Variants in CNTNAP5 observed in about 807,000 individuals in gnomAD.
CNTNAP5 encodes contactin-associated protein-like 5.
A neutral mutation model predicts 150.2 loss-of-function variants in CNTNAP5; 72 were observed. That is an observed-to-expected ratio of 0.48 (90% CI 0.40 to 0.58). The LOEUF (loss-of-function observed/expected upper bound fraction) is 0.58, where lower values mean the gene tolerates loss of function less well. CNTNAP5 is among the 20% of genes least tolerant of loss of function. The probability of loss-of-function intolerance (pLI) is 0.00; values close to 1 mark genes in which losing one functional copy is unlikely to be tolerated. For synonymous variants in CNTNAP5, 672 were observed against 619.8 expected (o/e 1.08, Z -1.25); for missense variants, 1,636 against 1,626.2 (o/e 1.01, Z -0.10).
At chr2:124,161,716 G>A (rs1281405637) in intron 1 of CNTNAP5, among the ~76,000 whole-genome samples, 1 of 152,042 alleles carries the variant, frequency 6.6e-6, no homozygotes, top group African/African-American at 2.4e-5. Flanking sequence ...TCAAAAAAAA[G>A]AAAAGGACAA....
intron 4 of CNTNAP5, among the ~76,000 whole-genome samples, chr2:124,433,794 T>C (rs1244020141): frequency 6.6e-6 from 1 of 152,208 alleles, no homozygotes; most frequent in Non-Finnish European, 1.5e-5. Context: ...TGTTTACACA[T>C]ACCTGTTACA....
At chr2:124,423,570 T>A (rs1573985516) in intron 4 of CNTNAP5, among the ~76,000 whole-genome samples, 1 of 149,726 alleles carries the variant, frequency 6.7e-6, no homozygotes, top group South Asian at 2.1e-4. Context: ...GTGGTCTCGA[T>A]CTCCTGACCT....
rs1384104288 is a variant in CNTNAP5 at position 124,192,521 on chromosome 2, C to T, written c.83-29184C>T. On this transcript the variant is annotated intron_variant, in intron 1 of 23. Transcript: ENST00000682447. ...TGCGTCTGATGGTGCCAGTGGCTTC[C>T]TGCTGATATCCACAACTGACATTCA... 2.0e-5 allele frequency among the ~76,000 whole-genome samples: 3 copies of T among 152,160 alleles called. No homozygotes were observed. The East Asian group carries it at 5.8e-4, about 29-fold the overall frequency.
rs527870860 is a variant in CNTNAP5 at position 124,721,515 on chromosome 2, A to C, written c.2078-25714A>C. Among the ~76,000 whole-genome samples the C allele has an allele frequency of 3.6e-5, 5 of 139,218 alleles. 1 individual carries two copies. In the South Asian group the frequency reaches 1.0e-3, roughly 29 times the overall value. The allele number at this position is 139,218 out of a possible 152,430, so 91.3% of individuals were successfully genotyped here. On this transcript the variant is annotated intron_variant, in intron 13 of 23. Coordinates refer to ENST00000682447, the MANE Select transcript of CNTNAP5 (RefSeq NM_001367498.1). ...TAAATAAATAAATAAATAAATACAT[A>C]AATAAATATTAAAAAAACAAAAAAG...
At chr2:124,765,681 C>T (rs1015417477) in intron 16 of CNTNAP5, among the ~76,000 whole-genome samples, 64 of 151,992 alleles carry the variant, frequency 4.2e-4, no homozygotes, top group African/African-American at 1.4e-3. Context: ...TAAGTCAAGG[C>T]GCAGTGGCTC....
At chr2:124,721,892 TG>T (rs1278469954) in intron 13 of CNTNAP5, among the ~76,000 whole-genome samples, 3 of 151,976 alleles carry the variant, frequency 2.0e-5, no homozygotes, top group Non-Finnish European at 2.9e-5. Flanking sequence ...CTGGCAGAAA[TG>T]TTTTTTTTCC....
At chr2:124,410,968 T>A (rs1691742072) in intron 3 of CNTNAP5, among the ~76,000 whole-genome samples, 1 of 151,566 alleles carries the variant, frequency 6.6e-6, no homozygotes, top group African/African-American at 2.4e-5. Flanking sequence ...ATCAACAAAA[T>A]TGATAGACCG....
At chr2:124,586,354 A>T (rs1696537233) in intron 11 of CNTNAP5, among the ~76,000 whole-genome samples, 1 of 152,224 alleles carries the variant, frequency 6.6e-6, no homozygotes, top group African/African-American at 2.4e-5. Flanking sequence ...GGCATGAGTC[A>T]GGGTCGCTGA....
At chr2:124,825,550 C>A (rs1234177623) in intron 19 of CNTNAP5, among the ~76,000 whole-genome samples, 1 of 152,162 alleles carries the variant, frequency 6.6e-6, no homozygotes, top group Non-Finnish European at 1.5e-5. Context: ...GAAGCAGAAT[C>A]TTCAGGGTGA....
At chr2:124,581,811 T>C (rs145563969) in intron 11 of CNTNAP5, among the ~76,000 whole-genome samples, 329 of 152,236 alleles carry the variant, frequency 2.2e-3, no homozygotes, top group Non-Finnish European at 3.4e-3. Flanking sequence ...CTATTGTATA[T>C]GCACATGACG....
At chr2:124,381,722 G>T (rs17011466) in intron 3 of CNTNAP5, among the ~76,000 whole-genome samples, 9,707 of 152,130 alleles carry the variant, frequency 0.064, 395 homozygotes, top group East Asian at 0.21. Context: ...GGACCTACAA[G>T]TGTATTTGCT....
chr2:124,824,120 G>T (rs1391187428), intron 19 of CNTNAP5, among the ~76,000 whole-genome samples: 1 of 151,860 alleles, frequency 6.6e-6, no homozygotes, highest in Non-Finnish European at 1.5e-5. Context: ...TTTTCGTCAT[G>T]TTGGCCAGGC....
At chr2:124,293,004 T>C (rs1489924437) in intron 3 of CNTNAP5, among the ~76,000 whole-genome samples, 1 of 152,062 alleles carries the variant, frequency 6.6e-6, no homozygotes, top group Non-Finnish European at 1.5e-5. Flanking sequence ...AAGTATAAAG[T>C]ATATGAATAA....
intron 1 of CNTNAP5, among the ~76,000 whole-genome samples, chr2:124,119,772 A>G (rs1423439923): frequency 6.6e-6 from 1 of 152,196 alleles, no homozygotes; most frequent in Non-Finnish European, 1.5e-5. Flanking sequence ...AGACTATGAT[A>G]TAACATTTTA....
chr2:124,184,515 C>A (rs143219828), intron 1 of CNTNAP5, among the ~76,000 whole-genome samples: 1 of 152,276 alleles, frequency 6.6e-6, no homozygotes, highest in Non-Finnish European at 1.5e-5. Flanking sequence ...ATTAATCTTT[C>A]ACTGAACATC....
chr2:124,193,961 G>T (rs893255801), intron 1 of CNTNAP5, among the ~76,000 whole-genome samples: 5 of 152,038 alleles, frequency 3.3e-5, no homozygotes, highest in South Asian at 4.1e-4. Flanking sequence ...GGTGTGAGCT[G>T]GTTTTATTGC....
intron 3 of CNTNAP5, among the ~76,000 whole-genome samples, chr2:124,271,482 T>A (rs1295325638): frequency 1.3e-5 from 2 of 152,040 alleles, no homozygotes; most frequent in African/African-American, 4.8e-5. Context: ...ACAGGATGAA[T>A]GTGTGGTTTG....
At chr2:124,517,582 T>TGGAGGGTTGTGGTGTTGGTGAG (rs1694752905) in intron 8 of CNTNAP5, among the ~76,000 whole-genome samples, 1 of 146,512 alleles carries the variant, frequency 6.8e-6, no homozygotes, top group Non-Finnish European at 1.5e-5. Flanking sequence ...GTGTTGGTGA[T>TGGAGGGTTGTGGTGTTGGTGAG]GGAAGATTGT....
intron 12 of CNTNAP5, among the ~76,000 whole-genome samples, chr2:124,632,328 A>T (rs562610759): frequency 6.6e-6 from 1 of 152,368 alleles, no homozygotes; most frequent in African/African-American, 2.4e-5. Context: ...AATAGACTGG[A>T]TAAAGAAAAT....
Sources: gnomAD v4.1 joint callset for allele counts (sites outside exome capture counted in the v4.1 genomes callset) on GRCh38, gnomAD v4.1.1 for gene constraint, MANE v1.5 for transcripts, NCBI Gene and HGNC (gene_info 2026-07-23, HGNC 2026-07-21) for gene names.